Variants in PTPRD observed in about 807,000 individuals in gnomAD.
The protein encoded by PTPRD is protein tyrosine phosphatase receptor type D.
PTPRD carries 34 observed loss-of-function variants against 214.5 expected under a neutral mutation model. That is an observed-to-expected ratio of 0.16 (90% confidence interval 0.12 to 0.21). The LOEUF is 0.21. Ranked by LOEUF, PTPRD falls within the 10% of genes least tolerant of loss-of-function variation. The pLI is 1.00. For missense variants in PTPRD, 2,545 were observed against 2,398.7 expected, an observed-to-expected ratio of 1.06 and a Z score of -1.27; for synonymous variants, 1,128 against 845.7, an observed-to-expected ratio of 1.33 and a Z score of -5.79.
At chr9:8,662,405 A>T (rs1375350006) in intron 12 of PTPRD, among the ~76,000 whole-genome samples, 1 of 152,218 alleles carries the variant, frequency 6.6e-6, no homozygotes, top group Non-Finnish European at 1.5e-5. Flanking sequence ...TCAAGAGACA[A>T]GGAAGCATCT....
chr9:9,498,185 G>C (rs1392205683), intron 8 of PTPRD, among the ~76,000 whole-genome samples: 3 of 152,086 alleles, frequency 2.0e-5, no homozygotes, highest in African/African-American at 7.2e-5. Context: ...ACAGTTGTAG[G>C]ATTTTGAATT....
chr9:8,324,874 T>C (rs1330004899), intron 44 of PTPRD, among the ~76,000 whole-genome samples: 1 of 152,238 alleles, frequency 6.6e-6, no homozygotes. Context: ...TTTTTTCATA[T>C]GTTTGTCTGC....
rs1272879235 is a variant in PTPRD at position 8,316,294 on chromosome 9, G to A, written c.*1580C>T. On this transcript the variant is annotated 3_prime_UTR_variant, in exon 46 of 46. Coordinates refer to ENST00000381196, the MANE Select transcript of PTPRD (RefSeq NM_002839.4). ...AGATACGAACAGTGAATGGAAATACGAACCAAAAGCTAAAAAGAAATGCTA... is the reference window on the plus strand; with the variant it reads ...AGATACGAACAGTGAATGGAAATACAAACCAAAAGCTAAAAAGAAATGCTA... 3 of 230,458 alleles carry A rather than the reference G, an allele frequency of 1.3e-5. No individual in the cohort carries two copies. Among genetic ancestry groups the A allele is most frequent in the Non-Finnish European group, 2.6e-5 (3 of 116,182 alleles). The allele number at this position is 230,458 out of a possible 1,614,324, so 14.3% of individuals were successfully genotyped here.
rs908598555 is a variant in PTPRD, at chr9:9,936,250, C to G, written c.-368+2257G>C. Reference sequence around the variant, plus strand: ...AATGGGATCTAATTAAACTAAAGAGCTTCTGCACAGCAAAAGAAACTACCA... The same window carrying G: ...AATGGGATCTAATTAAACTAAAGAGGTTCTGCACAGCAAAAGAAACTACCA... On this transcript the variant is annotated intron_variant, in intron 5 of 45. Transcript: ENST00000381196. Among the ~76,000 whole-genome samples, 41 of 148,448 alleles carry G rather than the reference C, an allele frequency of 2.8e-4. No homozygotes were observed. The East Asian group carries it at 7.5e-3, about 27-fold the overall frequency.
Position 9,950,447 on chromosome 9 carries a change from G to A in PTPRD, c.-471-11837C>T, listed in dbSNP as rs1421180483. On this transcript the variant is annotated intron_variant, in intron 4 of 45. Transcript: ENST00000381196. Reference sequence around the variant, plus strand: ...GGCTTTTAAGAAGAAAGTGGAGGCCGGGCGCGGTGGCTCACGCCTGTAATC... The same window carrying A: ...GGCTTTTAAGAAGAAAGTGGAGGCCAGGCGCGGTGGCTCACGCCTGTAATC... Among the ~76,000 whole-genome samples the A allele has an allele frequency of 1.7e-4, 6 of 34,660 alleles. 2 individuals carry two copies. The highest frequency in any genetic ancestry group is 9.9e-4 in the Admixed American group (3 of 3,018). The allele number at this position is 34,660 out of a possible 152,430, so 22.7% of individuals were successfully genotyped here. A position where few individuals can be genotyped will look rare whatever the true frequency, so the allele number is the denominator to read the frequency against.
chr9:9,346,802 C>G (rs1481083233), intron 9 of PTPRD, among the ~76,000 whole-genome samples: 2 of 152,058 alleles, frequency 1.3e-5, no homozygotes, highest in Non-Finnish European at 2.9e-5. Context: ...AAGATATTCT[C>G]CTGCCTCAGC....
chr9:9,507,348 T>C (rs2096594399), intron 8 of PTPRD, among the ~76,000 whole-genome samples: 1 of 151,262 alleles, frequency 6.6e-6, no homozygotes, highest in Admixed American at 6.6e-5. Context: ...GGATAAATAG[T>C]GCTTTTTATT....
chr9:8,433,702 G>C (rs900446754), intron 35 of PTPRD, among the ~76,000 whole-genome samples: 2 of 152,182 alleles, frequency 1.3e-5, no homozygotes, highest in Admixed American at 6.5e-5. Flanking sequence ...TAGCTGTACA[G>C]TGTGCTTGTG....
intron 2 of PTPRD, among the ~76,000 whole-genome samples, chr9:10,381,470 T>A (rs1024097382): frequency 6.6e-6 from 1 of 151,956 alleles, no homozygotes; most frequent in Admixed American, 6.6e-5. Context: ...GTGAAATGGG[T>A]CAAACAGATT....
At chr9:9,169,913 T>C (rs993938047) in intron 10 of PTPRD, among the ~76,000 whole-genome samples, 1 of 152,148 alleles carries the variant, frequency 6.6e-6, no homozygotes, top group Non-Finnish European at 1.5e-5. Flanking sequence ...TTAGGAAAAG[T>C]CCTGTCCTGT....
chr9:9,124,793 G>A (rs1297298778), intron 10 of PTPRD, among the ~76,000 whole-genome samples: 2 of 152,080 alleles, frequency 1.3e-5, no homozygotes, highest in East Asian at 3.9e-4. Flanking sequence ...TGTTACAGGA[G>A]GAAAACCACA....
intron 2 of PTPRD, among the ~76,000 whole-genome samples, chr9:10,445,127 A>T (rs928613942): frequency 1.2e-4 from 18 of 152,140 alleles, no homozygotes; most frequent in African/African-American, 3.8e-4. Context: ...ACAAAAAGAA[A>T]CAAAAGGAAA....
intron 3 of PTPRD, among the ~76,000 whole-genome samples, chr9:10,331,509 GGTTA>G (rs564920758): frequency 5.1e-4 from 78 of 151,756 alleles, no homozygotes; most frequent in Admixed American, 7.9e-4. Flanking sequence ...GTCTTGAAGT[GGTTA>G]GTTAAATAGT....
chr9:8,632,695 C>T (rs2096289719), intron 14 of PTPRD, among the ~76,000 whole-genome samples: 1 of 152,010 alleles, frequency 6.6e-6, no homozygotes, highest in South Asian at 2.1e-4. Flanking sequence ...TACTGGAGAT[C>T]TGGCAACTCA....
intron 9 of PTPRD, among the ~76,000 whole-genome samples, chr9:9,325,570 T>C (rs1969599091): frequency 6.6e-6 from 1 of 152,162 alleles, no homozygotes; most frequent in Non-Finnish European, 1.5e-5. Flanking sequence ...TGAAGTTGCC[T>C]ATCAGCCGAA....
At chr9:9,441,540 C>T (rs2087807659) in intron 8 of PTPRD, among the ~76,000 whole-genome samples, 1 of 152,094 alleles carries the variant, frequency 6.6e-6, no homozygotes, top group Non-Finnish European at 1.5e-5. Context: ...AGGTGATGAA[C>T]TAAATGATCT....
At chr9:8,763,865 T>A (rs1030101687) in intron 11 of PTPRD, among the ~76,000 whole-genome samples, 2 of 152,176 alleles carry the variant, frequency 1.3e-5, no homozygotes, top group Admixed American at 6.6e-5. Context: ...CAAAATGTAT[T>A]TCCTTTTTAA....
At chr9:9,716,571 T>C (rs1211086306) in intron 7 of PTPRD, among the ~76,000 whole-genome samples, 6 of 152,324 alleles carry the variant, frequency 3.9e-5, no homozygotes, top group South Asian at 2.1e-4. Context: ...TTGTATCTCA[T>C]TGTGGTTTTG....
chr9:9,089,469 C>A (rs779223149), intron 10 of PTPRD, among the ~76,000 whole-genome samples: 1 of 152,138 alleles, frequency 6.6e-6, no homozygotes, highest in Non-Finnish European at 1.5e-5. Context: ...GCCATTTAAC[C>A]TTTCTGACCA....
Sources: gnomAD v4.1 joint callset for allele counts (sites outside exome capture counted in the v4.1 genomes callset) on GRCh38, gnomAD v4.1.1 for gene constraint, MANE v1.5 for transcripts, NCBI Gene and HGNC (gene_info 2026-07-23, HGNC 2026-07-21) for gene names.